PCDHA11: variants seen among roughly 807,000 people sequenced by gnomAD.
The protein encoded by PCDHA11 is protocadherin alpha 11.
PCDHA11 carries 61 observed loss-of-function variants against 70.3 expected under a neutral mutation model. That is an observed-to-expected ratio of 0.87 (90% CI 0.71 to 1.07). PCDHA11 has a LOEUF of 1.07. Among genes scored for constraint, PCDHA11 ranks in the 50% least tolerant of loss-of-function variants. PCDHA11 has a pLI of 0.00. For missense variants in PCDHA11, 1,324 were observed against 1,237.5 expected (o/e 1.07, Z -1.05); for synonymous variants, 633 against 555.1 (o/e 1.14, Z -1.97).
chr5:140,886,368 C>A (rs1174734883), intron 1 of PCDHA11, among the ~76,000 whole-genome samples: 1 of 152,040 alleles, frequency 6.6e-6, no homozygotes, highest in Non-Finnish European at 1.5e-5. Flanking sequence ...GGTGTACATG[C>A]CATGGTGTGC....
chr5:140,947,249 C>T (rs1178030042), intron 1 of PCDHA11, among the ~76,000 whole-genome samples: 3 of 151,204 alleles, frequency 2.0e-5, no homozygotes, highest in African/African-American at 7.3e-5. Flanking sequence ...TAAGATAATC[C>T]AATGTACCAT....
Position 140,968,771 on chromosome 5 carries a change from T to C in PCDHA11, c.2392-10178T>C, listed in dbSNP as rs144153196. The C allele has an allele frequency of 3.1e-6, 5 of 1,614,024 alleles. No homozygotes were observed. Among genetic ancestry groups the C allele is most frequent in the Non-Finnish European group, 4.2e-6 (5 of 1,180,044 alleles). On this transcript the variant is annotated intron_variant, in intron 1 of 3. Transcript: ENST00000398640. The stretch of plus-strand genomic sequence containing the variant: ...GGTGGTCCGAGATAATGGAGAGCCA[T>C]CACTATCAGCCTCTGTGGCCATTAC...
intron 3 of PCDHA11, among the ~76,000 whole-genome samples, chr5:141,001,011 A>G (rs912284389): frequency 3.9e-5 from 6 of 152,206 alleles, no homozygotes; most frequent in African/African-American, 1.4e-4. Context: ...ATGTATTTAG[A>G]TATACACTTA....
chr5:140,948,670 A>G (rs951520840), intron 1 of PCDHA11, among the ~76,000 whole-genome samples: 1 of 151,654 alleles, frequency 6.6e-6, no homozygotes. Context: ...TAGTGATAAC[A>G]TCTTTTTCAT....
chr5:140,928,081 C>T (rs782268064), intron 1 of PCDHA11: 1 of 1,614,090 alleles, frequency 6.2e-7, no homozygotes, highest in Non-Finnish European at 8.5e-7. Context: ...CTACTACAGC[C>T]TGCTGATTGA....
At chr5:140,975,093 T>C (rs578045924) in intron 1 of PCDHA11, among the ~76,000 whole-genome samples, 2 of 152,266 alleles carry the variant, frequency 1.3e-5, no homozygotes, top group South Asian at 2.1e-4. Context: ...ATCCAGTTGT[T>C]TGGGGACTGA....
At chr5:140,872,584 G>A (rs183302964) in intron 1 of PCDHA11, among the ~76,000 whole-genome samples, 8 of 152,212 alleles carry the variant, frequency 5.3e-5, no homozygotes, top group Admixed American at 5.2e-4. Flanking sequence ...CTATCATCGT[G>A]AGACCCCCAT....
At chr5:140,873,861 A>AT (rs1198117759) in intron 1 of PCDHA11, among the ~76,000 whole-genome samples, 1 of 152,162 alleles carries the variant, frequency 6.6e-6, no homozygotes, top group Non-Finnish European at 1.5e-5. Context: ...GGTTTTCACC[A>AT]TGTTGGCCAG....
intron 1 of PCDHA11, among the ~76,000 whole-genome samples, chr5:140,941,191 T>TTTTTTCTTTC (rs1554213809): frequency 1.1e-5 from 1 of 93,206 alleles, no homozygotes; most frequent in Non-Finnish European, 2.3e-5. Flanking sequence ...GCTTCTTTTT[T>TTTTTTCTTTC]TTTCTTTCTT....
At chr5:140,896,960 T>C (rs1242760287) in intron 1 of PCDHA11, among the ~76,000 whole-genome samples, 1 of 152,234 alleles carries the variant, frequency 6.6e-6, no homozygotes, top group Non-Finnish European at 1.5e-5. Context: ...CTTAAACATT[T>C]ATTCTTTGCA....
chr5:140,925,084 AGGAAGGAAGGAAGGAAGGAAGGAG>A (rs1554202501), intron 1 of PCDHA11, among the ~76,000 whole-genome samples: 1 of 144,612 alleles, frequency 6.9e-6, no homozygotes, highest in Admixed American at 6.7e-5. Flanking sequence ...TCATCTGGAA[AGGAAGGAAGGAAGGAAGGAAGGAG>A]GGAAGGAAGG....
intron 1 of PCDHA11, among the ~76,000 whole-genome samples, chr5:140,909,245 G>T (rs189143592): frequency 2.6e-5 from 4 of 152,288 alleles, no homozygotes; most frequent in African/African-American, 7.2e-5. Flanking sequence ...AAGATATATT[G>T]CTGGCCTTGC....
At chr5:140,882,767 G>GC in intron 1 of PCDHA11, 1 of 1,614,176 alleles carries the variant, frequency 6.2e-7, no homozygotes, top group Non-Finnish European at 8.5e-7. Context: ...AGTAAACTCG[G>GC]CATTGACCTA....
intron 3 of PCDHA11, among the ~76,000 whole-genome samples, chr5:140,990,910 A>G (rs1460988111): frequency 1.3e-5 from 2 of 152,198 alleles, no homozygotes; most frequent in African/African-American, 2.4e-5. Context: ...GTCAAGTTTT[A>G]TAAGTCTTTA....
chr5:140,973,674 T>A (rs782774613), intron 1 of PCDHA11, among the ~76,000 whole-genome samples: 10 of 152,264 alleles, frequency 6.6e-5, no homozygotes, highest in Non-Finnish European at 1.3e-4. Flanking sequence ...GTAGCTTGAA[T>A]GTCATTGGCC....
At chr5:140,933,338 G>T (rs2089065952) in intron 1 of PCDHA11, among the ~76,000 whole-genome samples, 1 of 151,926 alleles carries the variant, frequency 6.6e-6, no homozygotes, top group South Asian at 2.1e-4. Context: ...TGTAGAGAAA[G>T]ATAAACACTT....
chr5:140,928,276 G>A (rs2153595075), intron 1 of PCDHA11: 2 of 1,614,172 alleles, frequency 1.2e-6, no homozygotes, highest in South Asian at 1.1e-5. Context: ...TGGCCCTGGG[G>A]CCTCTCTAGG....
intron 1 of PCDHA11, among the ~76,000 whole-genome samples, chr5:140,888,393 C>T (rs1554183447): frequency 1.3e-5 from 2 of 152,156 alleles, no homozygotes; most frequent in African/African-American, 4.8e-5. Context: ...CTGCTAAACA[C>T]CATCCAATTG....
At chr5:140,882,065 A>C in intron 1 of PCDHA11, 1 of 831,114 alleles carries the variant, frequency 1.2e-6, no homozygotes, top group Non-Finnish European at 1.8e-6. Flanking sequence ...TTACACGTTC[A>C]TGCGCATGGT....
Sources: gnomAD v4.1 joint callset for allele counts (sites outside exome capture counted in the v4.1 genomes callset) on GRCh38, gnomAD v4.1.1 for gene constraint, MANE v1.5 for transcripts, NCBI Gene and HGNC (gene_info 2026-07-23, HGNC 2026-07-21) for gene names.